AP3B1: variants seen among roughly 807,000 people sequenced by gnomAD.
AP3B1 encodes AP-3 complex subunit beta-1.
Under a neutral mutation model 132.5 loss-of-function variants are expected in AP3B1, and 61 were observed. That is an observed-to-expected ratio of 0.46 (90% CI 0.37 to 0.57). The LOEUF (loss-of-function observed/expected upper bound fraction) is 0.57, where lower values mean the gene tolerates loss of function less well. Among genes scored for constraint, AP3B1 ranks in the 20% least tolerant of loss-of-function variants. AP3B1 has a pLI of 0.00. For missense variants in AP3B1, 1,120 were observed against 1,289.4 expected (o/e 0.87, Z 2.01); for synonymous variants, 388 against 438.3 (o/e 0.89, Z 1.43).
intron 22 of AP3B1, among the ~76,000 whole-genome samples, chr5:78,084,861 G>T (rs1750171458): frequency 6.6e-6 from 1 of 151,848 alleles, no homozygotes; most frequent in African/African-American, 2.4e-5. Flanking sequence ...ACAAAATTTA[G>T]ATTATATATA....
At position 78,128,071 on chromosome 5, in the gene AP3B1, C is replaced by T. The variant is rs775296594; in HGVS notation, c.1927G>A (p.Ala643Thr). ...ACATTTCGAACTGATGGGTCGGGCG[C>T]CACCTCTGGCCAATTAGATAATTCC... is the stretch of plus-strand genomic sequence containing the variant. ...YLELSNWPEV[A>T]PDPSVRNVEV... is the part of the protein sequence containing the mutation. Residue 643 changes from alanine (A) to threonine (T), a missense_variant, in exon 17 of 27, where the codon GCG (alanine) becomes ACG (threonine). Coordinates refer to ENST00000255194, the MANE Select transcript of AP3B1 (RefSeq NM_003664.5). 1.1e-5 allele frequency: 18 copies of T among 1,613,154 alleles called. No homozygotes were observed. The highest frequency in any genetic ancestry group is 1.4e-5 in the Non-Finnish European group (17 of 1,179,388).
At chr5:78,030,184 C>T (rs919529653) in intron 24 of AP3B1, among the ~76,000 whole-genome samples, 10 of 151,972 alleles carry the variant, frequency 6.6e-5, no homozygotes, top group South Asian at 2.1e-4. Flanking sequence ...TGGAAAGCAG[C>T]GGCTATTCAC....
intron 2 of AP3B1, among the ~76,000 whole-genome samples, chr5:78,262,364 A>G (rs569550804): frequency 8.1e-4 from 123 of 152,236 alleles, no homozygotes; most frequent in Non-Finnish European, 1.6e-3. Context: ...TAGCTCTTAC[A>G]TTTAGGTCTT....
chr5:78,126,394 A>G (rs1371443469), intron 17 of AP3B1, among the ~76,000 whole-genome samples: 3 of 150,752 alleles, frequency 2.0e-5, no homozygotes, highest in African/African-American at 7.3e-5. Context: ...AATCCCAGCT[A>G]CTTGGGAAGC....
intron 21 of AP3B1, among the ~76,000 whole-genome samples, chr5:78,097,879 G>C (rs541188105): frequency 3.4e-4 from 52 of 152,302 alleles, no homozygotes; most frequent in African/African-American, 7.5e-4. Flanking sequence ...GGATGGTTGC[G>C]GTGTCTGTGT....
chr5:78,288,550 T>C (rs1749378894), intron 1 of AP3B1, among the ~76,000 whole-genome samples: 1 of 152,214 alleles, frequency 6.6e-6, no homozygotes, highest in African/African-American at 2.4e-5. Flanking sequence ...AGGGTGATGC[T>C]GTACTACAAT....
At chr5:78,006,864 C>A (rs906690772) in intron 26 of AP3B1, among the ~76,000 whole-genome samples, 1 of 152,106 alleles carries the variant, frequency 6.6e-6, no homozygotes, top group South Asian at 2.1e-4. Context: ...TTATCTCCAG[C>A]AATTGACATT....
At chr5:78,026,999 T>C (rs1747365027) in intron 24 of AP3B1, among the ~76,000 whole-genome samples, 1 of 152,212 alleles carries the variant, frequency 6.6e-6, no homozygotes, top group Non-Finnish European at 1.5e-5. Flanking sequence ...CTACACGTTC[T>C]GGTTTTTAAA....
At chr5:78,129,329 A>G (rs1320810442) in intron 15 of AP3B1, 22 bp from the exon 16 acceptor site, 1 of 1,549,412 alleles carries the variant, frequency 6.5e-7, no homozygotes, top group South Asian at 1.1e-5. Context: ...AAACAGATCA[A>G]GATGAGAATA....
At chr5:78,106,308 A>C (rs1156309268) in intron 20 of AP3B1, among the ~76,000 whole-genome samples, 1 of 151,882 alleles carries the variant, frequency 6.6e-6, no homozygotes, top group Non-Finnish European at 1.5e-5. Flanking sequence ...AATACAAAAA[A>C]TTAGCCAAGC....
intron 22 of AP3B1, 97 bp from the exon 23 acceptor site, chr5:78,039,371 C>T: frequency 1.0e-6 from 1 of 962,868 alleles, no homozygotes. Context: ...TTCTTGGTTC[C>T]CCTACAGTAT....
intron 21 of AP3B1, among the ~76,000 whole-genome samples, chr5:78,094,603 T>C (rs1750692961): frequency 6.6e-6 from 1 of 152,166 alleles, no homozygotes; most frequent in Admixed American, 6.5e-5. Context: ...TAGCAAGCTC[T>C]TTCCCTCCTC....
chr5:78,147,775 G>A (rs1404151824), intron 14 of AP3B1, among the ~76,000 whole-genome samples: 10 of 152,180 alleles, frequency 6.6e-5, no homozygotes, highest in African/African-American at 1.4e-4. Context: ...CATGGCTCAC[G>A]CCTGTAATCC....
At chr5:78,277,953 T>C (rs1029433054) in intron 1 of AP3B1, among the ~76,000 whole-genome samples, 14 of 152,188 alleles carry the variant, frequency 9.2e-5, no homozygotes, top group African/African-American at 3.4e-4. Flanking sequence ...TCTTTATCAA[T>C]GCCCTCAGCT....
intron 7 of AP3B1, among the ~76,000 whole-genome samples, chr5:78,193,762 A>ATTTTTT (rs1561469558): frequency 1.9e-5 from 2 of 107,896 alleles, no homozygotes; most frequent in African/African-American, 6.9e-5. Context: ...ATATATATAT[A>ATTTTTT]TATATATATT....
At chr5:78,289,266 C>A (rs746767604) in intron 1 of AP3B1, among the ~76,000 whole-genome samples, 18 of 152,100 alleles carry the variant, frequency 1.2e-4, no homozygotes, top group Non-Finnish European at 2.5e-4. Flanking sequence ...ACTGGACTCT[C>A]CTGAGAATCA....
At chr5:78,157,150 A>T (rs915221600) in intron 13 of AP3B1, among the ~76,000 whole-genome samples, 1 of 152,134 alleles carries the variant, frequency 6.6e-6, no homozygotes, top group Non-Finnish European at 1.5e-5. Context: ...CTGGTATTAC[A>T]TGCAATCCCC....
chr5:78,034,656 G>A (rs934521841), intron 23 of AP3B1, among the ~76,000 whole-genome samples: 10 of 151,846 alleles, frequency 6.6e-5, no homozygotes, highest in East Asian at 3.9e-4. Context: ...TTAATTCTGC[G>A]CATACACCAA....
intron 21 of AP3B1, among the ~76,000 whole-genome samples, chr5:78,095,185 A>G (rs1362467980): frequency 6.6e-6 from 1 of 152,174 alleles, no homozygotes; most frequent in East Asian, 1.9e-4. Context: ...TAGAATCTCC[A>G]GTATGTAGCA....
Sources: gnomAD v4.1 joint callset for allele counts (sites outside exome capture counted in the v4.1 genomes callset) on GRCh38, gnomAD v4.1.1 for gene constraint, MANE v1.5 for transcripts, NCBI Gene and HGNC (gene_info 2026-07-23, HGNC 2026-07-21) for gene names.